The following DCDC2 variants were observed in gnomAD, a reference collection of about 807,000 sequenced individuals.
DCDC2 encodes the protein doublecortin domain containing 2, also known as doublecortin domain-containing protein 2.
A neutral mutation model predicts 50.2 loss-of-function variants in DCDC2; 40 were observed. That is an observed-to-expected ratio of 0.80 (90% confidence interval 0.62 to 1.04). The LOEUF (loss-of-function observed/expected upper bound fraction) is 1.04. Among genes scored for constraint, DCDC2 ranks in the 50% least tolerant of loss-of-function variants. The pLI, the probability that DCDC2 is intolerant of heterozygous loss-of-function variation, is 0.00. For missense variants in DCDC2, 570 were observed against 581.9 expected (o/e 0.98, Z 0.21); for synonymous variants, 234 against 210.6 (o/e 1.11, Z -0.96).
chr6:24,204,089 A>G (rs1304064421), intron 8 of DCDC2, among the ~76,000 whole-genome samples: 3 of 152,272 alleles, frequency 2.0e-5, no homozygotes, highest in South Asian at 2.1e-4. Flanking sequence ...CGATACCTCA[A>G]GGATCTAGAG....
intron 7 of DCDC2, among the ~76,000 whole-genome samples, chr6:24,227,952 C>G (rs1318559215): frequency 6.6e-6 from 1 of 152,218 alleles, no homozygotes; most frequent in Non-Finnish European, 1.5e-5. Flanking sequence ...GATGGTGATT[C>G]TCCTACTTGC....
intron 8 of DCDC2, among the ~76,000 whole-genome samples, chr6:24,182,445 C>T (rs1413315393): frequency 1.3e-5 from 2 of 151,806 alleles, no homozygotes; most frequent in African/African-American, 4.8e-5. Flanking sequence ...ATATAGGGAA[C>T]ACCTAAAACT....
chr6:24,355,957 T>C (rs1041196515), intron 1 of DCDC2, among the ~76,000 whole-genome samples: 3 of 152,208 alleles, frequency 2.0e-5, no homozygotes, highest in Admixed American at 2.0e-4. Flanking sequence ...AGCTTAGATT[T>C]ATGGTCAAGG....
chr6:24,205,269 G>T, intron 7 of DCDC2, 167 bp from the exon 8 acceptor site: 1 of 1,558,196 alleles, frequency 6.4e-7, no homozygotes, highest in Non-Finnish European at 8.7e-7. Context: ...ACCCCCAGTT[G>T]TTCCACATTT....
intron 7 of DCDC2, among the ~76,000 whole-genome samples, chr6:24,246,730 G>T (rs1209763057): frequency 1.3e-5 from 2 of 151,868 alleles, no homozygotes; most frequent in Non-Finnish European, 2.9e-5. Flanking sequence ...CAGGTGATCT[G>T]CCCGCCTCAA....
chr6:24,215,398 T>C (rs1761951758), intron 7 of DCDC2, among the ~76,000 whole-genome samples: 1 of 152,036 alleles, frequency 6.6e-6, no homozygotes, highest in African/African-American at 2.4e-5. Context: ...CTAAGGGACT[T>C]TAAGCATGGA....
At chr6:24,331,385 T>G (rs191316351) in intron 2 of DCDC2, among the ~76,000 whole-genome samples, 1 of 151,970 alleles carries the variant, frequency 6.6e-6, no homozygotes, top group Admixed American at 6.6e-5. Flanking sequence ...ACTGCAACCT[T>G]GATCTCTTGG....
intron 2 of DCDC2, among the ~76,000 whole-genome samples, chr6:24,304,108 CT>C (rs1449782198): frequency 2.0e-5 from 3 of 152,188 alleles, no homozygotes; most frequent in Non-Finnish European, 4.4e-5. Flanking sequence ...ATCATAGTAA[CT>C]TTTTTTCATT....
the DCDC2 span, among the ~76,000 whole-genome samples, chr6:24,378,956 GAAAAAAA>G: frequency 1.5e-5 from 1 of 67,430 alleles, no homozygotes; most frequent in East Asian, 5.2e-4. Context: ...GTCTCATTTG[GAAAAAAA>G]AAAAAAAAAA....
At chr6:24,354,379 T>C (rs148219071) in intron 1 of DCDC2, among the ~76,000 whole-genome samples, 82 of 152,260 alleles carry the variant, frequency 5.4e-4, no homozygotes, top group African/African-American at 1.9e-3. Context: ...ATCTAACATA[T>C]AATTTATAAT....
intron 7 of DCDC2, among the ~76,000 whole-genome samples, chr6:24,274,951 CTAAAT>C (rs557302157): frequency 2.0e-4 from 30 of 152,074 alleles, no homozygotes; most frequent in South Asian, 1.7e-3. Context: ...TGAAATAAAA[CTAAAT>C]AGCTTATTTA....
chr6:24,332,047 C>T (rs899155382), intron 2 of DCDC2, among the ~76,000 whole-genome samples: 6 of 152,074 alleles, frequency 3.9e-5, no homozygotes, highest in Admixed American at 6.6e-5. Context: ...ACAAAGTAAC[C>T]ATCAAATATA....
rs997383250 is a variant in DCDC2, at chr6:24,237,661, A to C, written c.923-32559T>G. ...ACTATTCACAATAGCAAAGACATGG[A>C]ATCAACCTAGGTGTCTATCAATGGT... On this transcript the variant is annotated intron_variant, in intron 7 of 9. Coordinates refer to ENST00000378454, the MANE Select transcript of DCDC2 (RefSeq NM_016356.5). Among the ~76,000 whole-genome samples the C allele has an allele frequency of 2.6e-5, 4 of 152,214 alleles. No homozygotes were observed. In the East Asian group the frequency reaches 7.7e-4, roughly 29 times the overall value.
chr6:24,333,393 C>A (rs1165919593), intron 2 of DCDC2, among the ~76,000 whole-genome samples: 1 of 152,182 alleles, frequency 6.6e-6, no homozygotes, highest in African/African-American at 2.4e-5. Context: ...ATCTTTCAGA[C>A]TTCTATTGAC....
At chr6:24,285,182 A>G (rs1763570561) in intron 6 of DCDC2, among the ~76,000 whole-genome samples, 1 of 152,170 alleles carries the variant, frequency 6.6e-6, no homozygotes, top group Admixed American at 6.5e-5. Context: ...TGGATGACGG[A>G]TGGAGTGGAT....
rs1021986960 is a variant in DCDC2, at chr6:24,173,038, T to C, written c.*1692A>G. 3 of 134,704 alleles carry C rather than the reference T, an allele frequency of 2.2e-5. No individual in the cohort carries two copies. The highest frequency in any genetic ancestry group is 3.3e-5 in the Non-Finnish European group (2 of 60,850). 8.3% of individuals were successfully genotyped at this position (134,704 alleles called of 1,614,324 possible). A position where few individuals can be genotyped will look rare whatever the true frequency, so the allele number is the denominator to read the frequency against. On this transcript the variant is annotated 3_prime_UTR_variant, in exon 10 of 10. Transcript: ENST00000378454. The stretch of plus-strand genomic sequence containing the variant: ...TAATAATAAAGATCAATTGGTCTAT[T>C]TGCCTACCAACCCAAGATTGTTGCT...
chr6:24,218,144 G>T (rs1762021538), intron 7 of DCDC2, among the ~76,000 whole-genome samples: 3 of 152,086 alleles, frequency 2.0e-5, no homozygotes, highest in African/African-American at 4.8e-5. Flanking sequence ...ATGACTATAT[G>T]TTAATTTAGT....
At chr6:24,329,983 T>C (rs928362006) in intron 2 of DCDC2, among the ~76,000 whole-genome samples, 3 of 152,130 alleles carry the variant, frequency 2.0e-5, no homozygotes, top group Non-Finnish European at 2.9e-5. Context: ...AATTAGCTAC[T>C]TTACCCCTCA....
intron 7 of DCDC2, among the ~76,000 whole-genome samples, chr6:24,271,819 G>C (rs757586655): frequency 1.3e-5 from 2 of 152,176 alleles, no homozygotes; most frequent in African/African-American, 2.4e-5. Flanking sequence ...AATGTGATCT[G>C]AGTATCAAAA....
Sources: gnomAD v4.1 joint callset for allele counts (sites outside exome capture counted in the v4.1 genomes callset) on GRCh38, gnomAD v4.1.1 for gene constraint, MANE v1.5 for transcripts, NCBI Gene and HGNC (gene_info 2026-07-23, HGNC 2026-07-21) for gene names.